The following LHFPL6 variants were observed in gnomAD, a reference collection of about 807,000 sequenced individuals.
LHFPL6 encodes the protein LHFPL tetraspan subfamily member 6.
In LHFPL6, 9 loss-of-function variants were observed where a neutral mutation model predicts 20.6. The ratio of observed to expected loss-of-function variants is 0.44; its 90% CI spans 0.26 to 0.76. The LOEUF is 0.76. LHFPL6 is among the 30% of genes least tolerant of loss of function. The probability of loss-of-function intolerance (pLI) is 0.20; values close to 1 mark genes in which losing one functional copy is unlikely to be tolerated. For missense variants in LHFPL6, 218 were observed against 253.5 expected, an observed-to-expected ratio of 0.86 and a Z score of 0.95; for synonymous variants, 105 against 98.7, an observed-to-expected ratio of 1.06 and a Z score of -0.38.
intron 3 of LHFPL6, among the ~76,000 whole-genome samples, chr13:39,353,386 G>A (rs1047464784): frequency 6.6e-6 from 1 of 152,240 alleles, no homozygotes; most frequent in South Asian, 2.1e-4. Context: ...AAATGTAGAA[G>A]TAAAACGGCT....
chr13:39,550,409 C>A (rs1251768609), intron 2 of LHFPL6, among the ~76,000 whole-genome samples: 1 of 152,034 alleles, frequency 6.6e-6, no homozygotes, highest in Non-Finnish European at 1.5e-5. Context: ...GTAAATAATA[C>A]CTCAATGAAC....
chr13:39,380,034 T>C (rs914952239), intron 2 of LHFPL6, among the ~76,000 whole-genome samples: 2 of 152,222 alleles, frequency 1.3e-5, no homozygotes, highest in South Asian at 4.1e-4. Flanking sequence ...CCAATTTCCT[T>C]AGGCTTTTCC....
intron 2 of LHFPL6, among the ~76,000 whole-genome samples, chr13:39,497,818 G>T (rs1482943543): frequency 6.6e-6 from 1 of 152,110 alleles, no homozygotes; most frequent in Non-Finnish European, 1.5e-5. Context: ...GACAGTAATA[G>T]CATTATCTGA....
At chr13:39,436,624 T>G (rs1330812585) in intron 2 of LHFPL6, among the ~76,000 whole-genome samples, 1 of 152,220 alleles carries the variant, frequency 6.6e-6, no homozygotes, top group East Asian at 1.9e-4. Context: ...CTATACTACC[T>G]TATAAAACAA....
intron 2 of LHFPL6, among the ~76,000 whole-genome samples, chr13:39,579,941 T>C (rs535576921): frequency 1.0e-3 from 153 of 152,214 alleles, no homozygotes; most frequent in Non-Finnish European, 1.6e-3. Context: ...TTTGTTCCCA[T>C]AGTACCTATC....
rs543030952 is a variant in LHFPL6, at chr13:39,502,873, T to C, written c.385+97959A>G. 2.0e-4 allele frequency among the ~76,000 whole-genome samples: 31 copies of C among 152,282 alleles called. 1 individual carries two copies. The South Asian group carries it at 6.2e-3, about 31-fold the overall frequency. ...AATAAATACATTTTCTTTTTTAAAT[T>C]TGTATTTATTATTGTTGTATCTTAT... On this transcript the variant is annotated intron_variant, in intron 2 of 3. Transcript: ENST00000379589.
chr13:39,442,655 G>A (rs1220916942), intron 2 of LHFPL6, among the ~76,000 whole-genome samples: 1 of 152,114 alleles, frequency 6.6e-6, no homozygotes, highest in Non-Finnish European at 1.5e-5. Flanking sequence ...TATGTGTATT[G>A]TATTAATGAA....
chr13:39,404,300 C>T (rs757678191), intron 2 of LHFPL6, among the ~76,000 whole-genome samples: 1 of 152,046 alleles, frequency 6.6e-6, no homozygotes, highest in Non-Finnish European at 1.5e-5. Context: ...TAGTCAACAG[C>T]CCCATTTTTC....
At chr13:39,570,098 C>T (rs1307920352) in intron 2 of LHFPL6, among the ~76,000 whole-genome samples, 1 of 152,102 alleles carries the variant, frequency 6.6e-6, no homozygotes, top group Non-Finnish European at 1.5e-5. Flanking sequence ...TCCAAGTTAG[C>T]TTTTCAAGCT....
intron 2 of LHFPL6, among the ~76,000 whole-genome samples, chr13:39,467,166 T>C (rs1224613661): frequency 6.6e-6 from 1 of 152,166 alleles, no homozygotes; most frequent in African/African-American, 2.4e-5. Context: ...CTGCCGTTAT[T>C]CATCTGTTCC....
intron 2 of LHFPL6, among the ~76,000 whole-genome samples, chr13:39,514,312 G>A (rs889298320): frequency 3.3e-5 from 5 of 152,102 alleles, no homozygotes; most frequent in African/African-American, 7.2e-5. Context: ...GGTCTCTTCC[G>A]AAAGCACACA....
intron 2 of LHFPL6, among the ~76,000 whole-genome samples, chr13:39,525,390 A>G (rs1870255209): frequency 6.6e-6 from 1 of 152,108 alleles, no homozygotes; most frequent in Admixed American, 6.5e-5. Flanking sequence ...GAAATAACTA[A>G]TTTTCATAAA....
At chr13:39,465,582 T>C (rs1872783615) in intron 2 of LHFPL6, among the ~76,000 whole-genome samples, 2 of 152,088 alleles carry the variant, frequency 1.3e-5, no homozygotes, top group Non-Finnish European at 2.9e-5. Flanking sequence ...AGGGGAAGCG[T>C]TCAGAGTTGA....
chr13:39,598,548 C>CTTTA (rs2138555423), intron 2 of LHFPL6, among the ~76,000 whole-genome samples: 1 of 151,802 alleles, frequency 6.6e-6, no homozygotes, highest in African/African-American at 2.4e-5. Context: ...TTTTATTTAT[C>CTTTA]TTTATTTATT....
At chr13:39,371,276 T>G (rs1870160787) in intron 3 of LHFPL6, among the ~76,000 whole-genome samples, 1 of 152,232 alleles carries the variant, frequency 6.6e-6, no homozygotes, top group African/African-American at 2.4e-5. Flanking sequence ...ACAAATTAAT[T>G]GAAACACTAC....
intron 2 of LHFPL6, among the ~76,000 whole-genome samples, chr13:39,430,635 T>C (rs57081452): frequency 0.16 from 23,591 of 152,094 alleles, 1,977 homozygotes; most frequent in South Asian, 0.26. Context: ...GCTAAAGTTT[T>C]GCAAACGCAC....
chr13:39,568,243 G>A (rs1871791713), intron 2 of LHFPL6, among the ~76,000 whole-genome samples: 1 of 150,652 alleles, frequency 6.6e-6, no homozygotes, highest in Non-Finnish European at 1.5e-5. Flanking sequence ...CTTACAAAAT[G>A]TTGAAAGAGA....
intron 2 of LHFPL6, among the ~76,000 whole-genome samples, chr13:39,554,334 T>C (rs572213501): frequency 6.6e-6 from 1 of 152,368 alleles, no homozygotes; most frequent in South Asian, 2.1e-4. Context: ...CTTTTGCCTC[T>C]TTAATATACT....
chr13:39,358,920 C>A (rs948834565), intron 3 of LHFPL6, among the ~76,000 whole-genome samples: 3 of 152,154 alleles, frequency 2.0e-5, no homozygotes, highest in East Asian at 1.9e-4. Context: ...CGCCTGTAAT[C>A]CTAGCACTTT....
Sources: gnomAD v4.1 joint callset for allele counts (sites outside exome capture counted in the v4.1 genomes callset) on GRCh38, gnomAD v4.1.1 for gene constraint, MANE v1.5 for transcripts, NCBI Gene and HGNC (gene_info 2026-07-23, HGNC 2026-07-21) for gene names.